ITPR1: variants seen among roughly 807,000 people sequenced by gnomAD.
ITPR1 encodes inositol 1,4,5-trisphosphate-gated calcium channel ITPR1.
Under a neutral mutation model 318.4 loss-of-function variants are expected in ITPR1, and 96 were observed. The observed-to-expected ratio is 0.30, with a 90% CI of 0.26 to 0.36. The LOEUF (loss-of-function observed/expected upper bound fraction) is 0.36. Among genes scored for constraint, ITPR1 ranks in the 10% least tolerant of loss-of-function variants. The pLI is 1.00. For synonymous variants in ITPR1, 1,312 were observed against 1,289.9 expected, an observed-to-expected ratio of 1.02 and a Z score of -0.37; for missense variants, 2,440 against 3,460.2, an observed-to-expected ratio of 0.71 and a Z score of 7.40.
At chr3:4,785,952 C>T (rs895914607) in intron 51 of ITPR1, among the ~76,000 whole-genome samples, 3 of 152,148 alleles carry the variant, frequency 2.0e-5, no homozygotes, top group African/African-American at 4.8e-5. Flanking sequence ...AGGGAGTGAT[C>T]GATGCAAAGC....
At chr3:4,551,815 A>T (rs1231705413) in intron 4 of ITPR1, among the ~76,000 whole-genome samples, 1 of 152,246 alleles carries the variant, frequency 6.6e-6, no homozygotes, top group East Asian at 1.9e-4. Context: ...TAAGTCAACA[A>T]GCAATAGCTG....
In ITPR1 at chr3:4,693,619, T is replaced by C. The variant is rs750098994; in HGVS notation, c.4159T>C (p.Leu1387=). The C allele has an allele frequency of 6.2e-7, 1 of 1,614,030 alleles. No homozygotes were observed. The highest frequency in any genetic ancestry group is 8.5e-7 in the Non-Finnish European group (1 of 1,179,884). Residue 1387 remains leucine, a synonymous_variant, in exon 33 of 62, where the codon TTG becomes CTG. Transcript: ENST00000649015. ...CAGCCCTCTCATGTACCACATCCACTTGGTCGAGCTCCTGGCTGTGTGCAC... is the reference window on the plus strand; with the variant it reads ...CAGCCCTCTCATGTACCACATCCACCTGGTCGAGCTCCTGGCTGTGTGCAC... ...ENSPLMYHIH[L]VELLAVCTEG...
intron 51 of ITPR1, among the ~76,000 whole-genome samples, chr3:4,785,640 C>A (rs988730025): frequency 6.6e-6 from 1 of 152,130 alleles, no homozygotes; most frequent in Non-Finnish European, 1.5e-5. Context: ...CCTTAAAAGG[C>A]GAGCTTTAGA....
At chr3:4,820,538 C>A (rs1180432975) in intron 60 of ITPR1, among the ~76,000 whole-genome samples, 1 of 152,226 alleles carries the variant, frequency 6.6e-6, no homozygotes, top group East Asian at 1.9e-4. Context: ...CGCCACCCAC[C>A]CAACCCGGTC....
intron 4 of ITPR1, among the ~76,000 whole-genome samples, chr3:4,604,112 GGT>G (rs1310405720): frequency 6.6e-6 from 1 of 152,062 alleles, no homozygotes; most frequent in African/African-American, 2.4e-5. Flanking sequence ...TTCCTGTGTT[GGT>G]TGACCATCTG....
At position 4,691,208 on chromosome 3, in the gene ITPR1, A is replaced by T; in HGVS notation, c.3893A>T (p.Asn1298Ile). ...AATTTCCAGCTTTGCAGTGAGATCA[A>T]CGAGAGAGTTGTTCAGCACTTCGTT... is the stretch of plus-strand genomic sequence containing the variant. Reference protein sequence around the residue: ...MNNFQLCSEINERVVQHFVHC... With the variant: ...MNNFQLCSEIIERVVQHFVHC... The change falls in exon 32 of 62, where the codon AAC (asparagine) becomes ATC (isoleucine). Residue 1298 changes from asparagine (N) to isoleucine (I), a missense_variant. Asn to Ile is a moderately radical substitution (Grantham distance 149, BLOSUM62 -3). Around this residue, in one of 23 missense-constraint regions of ITPR1, gnomAD observed 222 missense variants for 318.8 expected, o/e 0.70. Coordinates refer to ENST00000649015, the MANE Select transcript of ITPR1 (RefSeq NM_001378452.1). 2 of 1,613,402 alleles carry T rather than the reference A, an allele frequency of 1.2e-6. No individual in the cohort carries two copies. Among genetic ancestry groups the T allele is most frequent in the Non-Finnish European group, 1.7e-6 (2 of 1,179,532 alleles).
chr3:4,636,997 A>G (rs909525256), intron 5 of ITPR1, among the ~76,000 whole-genome samples: 1 of 152,218 alleles, frequency 6.6e-6, no homozygotes, highest in Non-Finnish European at 1.5e-5. Flanking sequence ...AGCATTTCTT[A>G]AACTGAAGCC....
At chr3:4,799,391 A>C (rs1344194890) in intron 53 of ITPR1, among the ~76,000 whole-genome samples, 1 of 152,228 alleles carries the variant, frequency 6.6e-6, no homozygotes, top group Non-Finnish European at 1.5e-5. Flanking sequence ...GGAAGAGGTA[A>C]GTGGCTGGGC....
rs187277717 is a variant in ITPR1 at position 4,647,723 on chromosome 3, G to T, written c.855+1995G>T. Among the ~76,000 whole-genome samples the T allele has an allele frequency of 3.8e-3, 586 of 152,310 alleles. 8 individuals carry two copies. Among genetic ancestry groups the T allele is most frequent in the African/African-American group, 0.013 (550 of 41,548 alleles). On this transcript the variant is annotated intron_variant, in intron 10 of 61. Coordinates refer to ENST00000649015, the MANE Select transcript of ITPR1 (RefSeq NM_001378452.1). The stretch of plus-strand genomic sequence containing the variant: ...GGTGTGTAGTGAAATTTCATTGTGG[G>T]TTTGGTTAACGATGTTGAGCATTTT...
chr3:4,564,763 T>C (rs968688831), intron 4 of ITPR1, among the ~76,000 whole-genome samples: 1 of 152,184 alleles, frequency 6.6e-6, no homozygotes, highest in African/African-American at 2.4e-5. Context: ...TATGGGCCAC[T>C]TAATTTATGA....
chr3:4,653,173 A>G (rs2093634939), intron 11 of ITPR1, among the ~76,000 whole-genome samples: 1 of 152,198 alleles, frequency 6.6e-6, no homozygotes, highest in East Asian at 1.9e-4. Flanking sequence ...TCGTGCATCA[A>G]AAGACCCCCA....
At chr3:4,810,057 G>A (rs1322677225) in intron 55 of ITPR1, among the ~76,000 whole-genome samples, 1 of 152,110 alleles carries the variant, frequency 6.6e-6, no homozygotes, top group African/African-American at 2.4e-5. Flanking sequence ...ATTCTAAATT[G>A]GAAGGGACTC....
At chr3:4,544,817 A>G (rs187325685) in intron 4 of ITPR1, among the ~76,000 whole-genome samples, 1 of 152,192 alleles carries the variant, frequency 6.6e-6, no homozygotes, top group Non-Finnish European at 1.5e-5. Context: ...TTTTTTAGAC[A>G]GGGTCTTACT....
intron 26 of ITPR1, among the ~76,000 whole-genome samples, chr3:4,681,846 C>A (rs2094308677): frequency 6.6e-6 from 1 of 150,986 alleles, no homozygotes; most frequent in Non-Finnish European, 1.5e-5. Context: ...GAGCTCCTTA[C>A]AGGCTATGCA....
chr3:4,814,515 C>T lies in ITPR1; in HGVS notation c.7654C>T (p.Arg2552Trp), dbSNP rs2106492982. The T allele has an allele frequency of 1.3e-6, 2 of 1,579,550 alleles. No individual in the cohort carries two copies. Among genetic ancestry groups the T allele is most frequent in the Non-Finnish European group, 1.7e-6 (2 of 1,166,072 alleles). ...CIVTVLSHGL[R>W]SGGGVGDVLR... Reference sequence around the variant, plus strand: ...TGTCACTGTGCTGAGTCACGGGCTGCGGAGCGGGGGTGGAGTAGGAGATGT... The same window carrying T: ...TGTCACTGTGCTGAGTCACGGGCTGTGGAGCGGGGGTGGAGTAGGAGATGT... Residue 2552 changes from arginine to tryptophan, a missense_variant, in exon 58 of 62, where the codon CGG (arginine) becomes TGG (tryptophan). Physicochemically the swap from Arg to Trp is moderately radical, Grantham distance 101. Around this residue, in one of 23 missense-constraint regions of ITPR1, gnomAD observed 72 missense variants for 197.7 expected, o/e 0.36. Transcript: ENST00000649015.
intron 10 of ITPR1, among the ~76,000 whole-genome samples, chr3:4,650,631 G>GTA (rs1327341323): frequency 7.0e-6 from 1 of 142,848 alleles, no homozygotes; most frequent in African/African-American, 2.7e-5. Context: ...GTGTGTGTGT[G>GTA]TGTGTGTGTG....
At chr3:4,591,707 C>G (rs1025815970) in intron 4 of ITPR1, among the ~76,000 whole-genome samples, 6 of 152,136 alleles carry the variant, frequency 3.9e-5, no homozygotes, top group Admixed American at 3.9e-4. Flanking sequence ...TTACCCTGAT[C>G]AAAAACATTT....
At chr3:4,628,152 C>G (rs369457236) in intron 5 of ITPR1, among the ~76,000 whole-genome samples, 35 of 152,302 alleles carry the variant, frequency 2.3e-4, no homozygotes, top group African/African-American at 7.7e-4. Flanking sequence ...GCACTGGAAG[C>G]AAACTGCCTG....
At chr3:4,502,193 C>T (rs1287288941) in intron 2 of ITPR1, among the ~76,000 whole-genome samples, 6 of 152,162 alleles carry the variant, frequency 3.9e-5, no homozygotes, top group Admixed American at 2.0e-4. Flanking sequence ...CTGTCCACCT[C>T]GCCAGATCCT....
Sources: gnomAD v4.1 joint callset for allele counts (sites outside exome capture counted in the v4.1 genomes callset) on GRCh38, gnomAD v4.1.1 for gene constraint, gnomAD v4.1.1 regional missense constraint, MANE v1.5 for transcripts, NCBI Gene and HGNC (gene_info 2026-07-23, HGNC 2026-07-21) for gene names.